TMEM167B: variants seen among roughly 807,000 people sequenced by gnomAD.
TMEM167B encodes protein kish-B.
A neutral mutation model predicts 9.4 loss-of-function variants in TMEM167B; 2 were observed. That is an observed-to-expected ratio of 0.21 (90% confidence interval 0.09 to 0.67). The LOEUF (loss-of-function observed/expected upper bound fraction) is 0.67. Ranked by LOEUF, TMEM167B falls within the 30% of genes least tolerant of loss-of-function variation. The probability of loss-of-function intolerance (pLI) is 0.82; values close to 1 mark genes in which losing one functional copy is unlikely to be tolerated. For missense variants in TMEM167B, 68 were observed against 87.6 expected (o/e 0.78, Z 0.89); for synonymous variants, 28 against 32.0 (o/e 0.87, Z 0.42).
intron 1 of TMEM167B, among the ~76,000 whole-genome samples, chr1:109,091,956 C>T (rs1664460421): frequency 6.6e-6 from 1 of 152,088 alleles, no homozygotes. Context: ...GGGAATTTAC[C>T]CAGAGGAAGA....
chr1:109,092,746 C>T, intron 1 of TMEM167B, 144 bp from the exon 2 acceptor site: 1 of 925,740 alleles, frequency 1.1e-6, no homozygotes, highest in Non-Finnish European at 1.6e-6. Flanking sequence ...ATCCTGGCTC[C>T]CCCTTGTCAA....
chr1:109,096,166 T>C lies in TMEM167B; in HGVS notation c.*1667T>C, dbSNP rs1238117070. ...AGTCATCAAGTAAACACTGCATGTC[T>C]AATCATCTCAGAGTTGTGGCTGTTA... On this transcript the variant is annotated 3_prime_UTR_variant, in exon 3 of 3. Transcript: ENST00000338272. 1 of 152,240 alleles carries C rather than the reference T, an allele frequency of 6.6e-6. No individual in the cohort carries two copies. The highest frequency in any genetic ancestry group is 2.4e-5 in the African/African-American group (1 of 41,470). The allele number at this position is 152,240 out of a possible 1,614,324, so 9.4% of individuals were successfully genotyped here.
chr1:109,094,337 A>G (rs926438747), intron 2 of TMEM167B, 80 bp from the exon 3 acceptor site: 3 of 1,397,620 alleles, frequency 2.1e-6, no homozygotes, highest in Non-Finnish European at 3.0e-6. Context: ...GTCTGTGACT[A>G]GAGACTTCAA....
chr1:109,094,472 G>A lies in TMEM167B; in HGVS notation c.198G>A (p.Met66Ile), dbSNP rs1441412888. The change falls in exon 3 of 3, where the codon ATG becomes ATA. Residue 66 changes from methionine to isoleucine, a missense_variant. Transcript: ENST00000338272. ...CTGTGGCAATTGCTTGTGTTGTAATGGCCTTTTACGTCCTGTTTATAAAAT... is the reference window on the plus strand; with the variant it reads ...CTGTGGCAATTGCTTGTGTTGTAATAGCCTTTTACGTCCTGTTTATAAAAT... ...HAAVAIACVV[M>I]AFYVLFIK The A allele has an allele frequency of 1.7e-5, 27 of 1,613,976 alleles. No individual in the cohort carries two copies. The highest frequency in any genetic ancestry group is 2.0e-5 in the Non-Finnish European group (24 of 1,180,016).
intron 2 of TMEM167B, 104 bp from the exon 3 acceptor site, chr1:109,094,313 G>C: frequency 9.0e-7 from 1 of 1,113,606 alleles, no homozygotes; most frequent in African/African-American, 1.6e-5. Context: ...GCCCTTGAGA[G>C]CGTTGATATG....
At position 109,094,646 on chromosome 1, in the gene TMEM167B, GA is replaced by G; in HGVS notation, c.*151del. On this transcript the variant is annotated 3_prime_UTR_variant, in exon 3 of 3. Transcript: ENST00000338272. ...AGCATCTGCCCCTGCTATATGTGGGGAAAACTCATGGTCACGAACATTATTT... is the reference window on the plus strand; with the variant it reads ...AGCATCTGCCCCTGCTATATGTGGGGAAACTCATGGTCACGAACATTATTT... 2 of 702,862 alleles carry G rather than the reference GA, an allele frequency of 2.8e-6. No individual in the cohort carries two copies. Among genetic ancestry groups the G allele is most frequent in the Non-Finnish European group, 4.9e-6 (2 of 410,552 alleles). The allele number at this position is 702,862 out of a possible 1,614,324, so 43.5% of individuals were successfully genotyped here.
rs1664578931 is a variant in TMEM167B at position 109,096,922 on chromosome 1, T to G, written c.*2423T>G. On this transcript the variant is annotated 3_prime_UTR_variant, in exon 3 of 3. Transcript: ENST00000338272. Reference sequence around the variant, plus strand: ...TGCACAAATCCTTGAAAATAAACCTTTTTTTCCCTACAGTCTTTGTCAATT... The same window carrying G: ...TGCACAAATCCTTGAAAATAAACCTGTTTTTCCCTACAGTCTTTGTCAATT... The G allele has an allele frequency of 6.6e-6, 1 of 152,120 alleles. No individual in the cohort carries two copies. The highest frequency in any genetic ancestry group is 2.1e-4 in the South Asian group (1 of 4,824). 9.4% of individuals were successfully genotyped at this position (152,120 alleles called of 1,614,324 possible).
At chr1:109,090,990 GC>G (rs1288964884) in intron 1 of TMEM167B, 108 bp downstream of exon 1, 33 of 1,330,220 alleles carry the variant, frequency 2.5e-5, no homozygotes, top group African/African-American at 1.2e-4. Flanking sequence ...TCCCAGCCCG[GC>G]CCCCCTTGGC....
intron 2 of TMEM167B, 103 bp from the exon 3 acceptor site, chr1:109,094,314 C>A: frequency 1.8e-6 from 2 of 1,124,252 alleles, no homozygotes; most frequent in Middle Eastern, 2.7e-4. Context: ...CCCTTGAGAG[C>A]GTTGATATGT....
At position 109,095,624 on chromosome 1, in the gene TMEM167B, TG is replaced by T; in HGVS notation, c.*1127del. 6.6e-6 allele frequency: 1 copy of T among 152,344 alleles called. No individual in the cohort carries two copies. The highest frequency in any genetic ancestry group is 1.9e-4 in the East Asian group (1 of 5,190). 9.4% of individuals were successfully genotyped at this position (152,344 alleles called of 1,614,324 possible). ...TATTGCATTGCTCTTTAGTTGTCTC[TG>T]GAAATTCTATTTACTTTAAGGACAT... On this transcript the variant is annotated 3_prime_UTR_variant, in exon 3 of 3. Coordinates refer to ENST00000338272, the MANE Select transcript of TMEM167B (RefSeq NM_020141.4).
In TMEM167B at chr1:109,096,487, A is replaced by G. The variant is rs1188933463; in HGVS notation, c.*1988A>G. The G allele has an allele frequency of 6.6e-6, 1 of 152,178 alleles. No individual in the cohort carries two copies. The highest frequency in any genetic ancestry group is 6.5e-5 in the Admixed American group (1 of 15,282). 9.4% of individuals were successfully genotyped at this position (152,178 alleles called of 1,614,324 possible). A position where few individuals can be genotyped will look rare whatever the true frequency, so the allele number is the denominator to read the frequency against. ...TCATATTTTAAACTAGTTCCATTCCACAGTTCTAGTTCAAACCAGTTTTTA... is the reference window on the plus strand; with the variant it reads ...TCATATTTTAAACTAGTTCCATTCCGCAGTTCTAGTTCAAACCAGTTTTTA... On this transcript the variant is annotated 3_prime_UTR_variant, in exon 3 of 3. Coordinates refer to ENST00000338272, the MANE Select transcript of TMEM167B (RefSeq NM_020141.4).
Position 109,091,014 on chromosome 1 carries a change from C to T in TMEM167B, c.10+132C>T, listed in dbSNP as rs1005461426. 19 of 1,094,896 alleles carry T rather than the reference C, an allele frequency of 1.7e-5. No homozygotes were observed. The Admixed American group carries it at 4.6e-4, about 26-fold the overall frequency. 67.8% of individuals were successfully genotyped at this position (1,094,896 alleles called of 1,614,324 possible). On this transcript the variant is annotated intron_variant, in intron 1 of 2. Coordinates refer to ENST00000338272, the MANE Select transcript of TMEM167B (RefSeq NM_020141.4). ...GGCCCCCCTTGGCCTCTCGACGCCC[C>T]TAACTTCTGTACCCCTATACTCCTC...
At chr1:109,094,384 A>C (rs1365049575) in intron 2 of TMEM167B, 33 bp from the exon 3 acceptor site, 1 of 1,608,694 alleles carries the variant, frequency 6.2e-7, no homozygotes, top group Non-Finnish European at 8.5e-7. Context: ...GGTGAAGGGC[A>C]GGGTGTGATT....
Position 109,094,503 on chromosome 1 carries a change from C to T in TMEM167B, c.*4C>T, listed in dbSNP as rs775764772. The T allele has an allele frequency of 5.6e-6, 9 of 1,613,534 alleles. 1 individual carries two copies. The East Asian group carries it at 2.0e-4, about 36-fold the overall frequency. On this transcript the variant is annotated 3_prime_UTR_variant, in exon 3 of 3. Transcript: ENST00000338272. ...TTACGTCCTGTTTATAAAATGAATT[C>T]CAAAGCACCCAAGTCATCAACTGCC...
In TMEM167B at chr1:109,094,588, A is replaced by C; in HGVS notation, c.*89A>C. 1 of 1,301,718 alleles carries C rather than the reference A, an allele frequency of 7.7e-7. No homozygotes were observed. Among genetic ancestry groups the C allele is most frequent in the Non-Finnish European group, 1.1e-6 (1 of 903,256 alleles). The allele number at this position is 1,301,718 out of a possible 1,614,324, so 80.6% of individuals were successfully genotyped here. ...ACCTGAACCCAGTGTAGGAGAGTTC[A>C]GCTGAAATCATCGGTCCCCAGGATG... On this transcript the variant is annotated 3_prime_UTR_variant, in exon 3 of 3. Transcript: ENST00000338272.
rs1287265967 is a variant in TMEM167B, at chr1:109,096,354, C to T, written c.*1855C>T. 6.6e-6 allele frequency: 1 copy of T among 152,216 alleles called. No homozygotes were observed. The highest frequency in any genetic ancestry group is 1.5e-5 in the Non-Finnish European group (1 of 68,034). 9.4% of individuals were successfully genotyped at this position (152,216 alleles called of 1,614,324 possible). On this transcript the variant is annotated 3_prime_UTR_variant, in exon 3 of 3. Coordinates refer to ENST00000338272, the MANE Select transcript of TMEM167B (RefSeq NM_020141.4). ...GGGACCTGTTGGCAGAAGGGAATGT[C>T]ACTCCCTGGAAACAGGTTCAGCATG... is the stretch of plus-strand genomic sequence containing the variant.
At chr1:109,093,490 T>TG (rs1664498684) in intron 2 of TMEM167B, 1 of 133,464 alleles carries the variant, frequency 7.5e-6, no homozygotes, top group African/African-American at 3.0e-5. Context: ...AGACCCTGTC[T>TG]CAAAAAAAAA....
rs1331700489 is a variant in TMEM167B, at chr1:109,090,811, C to T, written c.-62C>T. 3 of 1,559,060 alleles carry T rather than the reference C, an allele frequency of 1.9e-6. No homozygotes were observed. Among genetic ancestry groups the T allele is most frequent in the Non-Finnish European group, 1.7e-6 (2 of 1,150,690 alleles). ...TCGGGAAGTGTCAAGCGGGCGCTCC[C>T]CCATCTCCGCCGCTATTACCACTGA... On this transcript the variant is annotated 5_prime_UTR_variant, in exon 1 of 3. Coordinates refer to ENST00000338272, the MANE Select transcript of TMEM167B (RefSeq NM_020141.4).
Position 109,092,944 on chromosome 1 carries a change from C to G in TMEM167B, c.65C>G (p.Ala22Gly). The G allele has an allele frequency of 6.2e-7, 1 of 1,614,122 alleles. No individual in the cohort carries two copies. Among genetic ancestry groups the G allele is most frequent in the African/African-American group, 1.3e-5 (1 of 75,018 alleles). The change falls in exon 2 of 3, where the codon GCC becomes GGC. Residue 22 changes from alanine (A) to glycine (G), a missense_variant. Transcript: ENST00000338272. ...GGTTTGCTCTTTGTTTGCACCTGTG[C>G]CTACTTCAAGAAAGTACCTCGTCTC... ...VFGLLFVCTC[A>G]YFKKVPRLKT... is the part of the protein sequence containing the mutation.
Sources: gnomAD v4.1 joint callset for allele counts (sites outside exome capture counted in the v4.1 genomes callset) on GRCh38, gnomAD v4.1.1 for gene constraint, MANE v1.5 for transcripts, NCBI Gene and HGNC (gene_info 2026-07-23, HGNC 2026-07-21) for gene names.